The following SEM1 variants were observed in gnomAD, a reference collection of about 807,000 sequenced individuals.
SEM1 encodes SEM1 26S proteasome subunit.
Under a neutral mutation model 12.7 loss-of-function variants are expected in SEM1, and 3 were observed. The ratio of observed to expected loss-of-function variants is 0.24; its 90% CI spans 0.11 to 0.61. The LOEUF (loss-of-function observed/expected upper bound fraction) is 0.61, where lower values mean the gene tolerates loss of function less well. Among genes scored for constraint, SEM1 ranks in the 20% least tolerant of loss-of-function variants. SEM1 has a pLI of 0.88. For synonymous variants in SEM1, 30 were observed against 27.8 expected (o/e 1.08, Z -0.25); for missense variants, 59 against 81.3 (o/e 0.73, Z 1.06).
intron 2 of SEM1, among the ~76,000 whole-genome samples, chr7:96,564,054 T>C (rs999184217): frequency 6.6e-6 from 1 of 152,116 alleles, no homozygotes; most frequent in Non-Finnish European, 1.5e-5. Context: ...AAAATAGACA[T>C]TATTTAAAAT....
At chr7:96,584,534 G>A (rs1052280506) in intron 2 of SEM1, among the ~76,000 whole-genome samples, 3 of 152,082 alleles carry the variant, frequency 2.0e-5, no homozygotes, top group South Asian at 2.1e-4. Flanking sequence ...GATTGGGGAA[G>A]TTCTCCTGGA....
intron 2 of SEM1, among the ~76,000 whole-genome samples, chr7:96,581,757 A>G (rs922652179): frequency 1.3e-5 from 2 of 151,642 alleles, no homozygotes; most frequent in African/African-American, 4.8e-5. Flanking sequence ...TTCACTCATG[A>G]TTTGGCTCTC....
intron 1 of SEM1, among the ~76,000 whole-genome samples, chr7:96,705,403 A>G (rs1017661646): frequency 1.3e-5 from 2 of 152,078 alleles, no homozygotes; most frequent in Non-Finnish European, 2.9e-5. Context: ...CAGGAAGAGA[A>G]TAAAAGAATC....
At chr7:96,588,379 CACACACACACACACACACGAGA>C (rs1806717464) in intron 2 of SEM1, among the ~76,000 whole-genome samples, 1 of 126,928 alleles carries the variant, frequency 7.9e-6, no homozygotes, top group African/African-American at 3.0e-5. Flanking sequence ...CACACACACA[CACACACACACACACACACGAGA>C]GAGAGAGAGA....
At chr7:96,662,124 AG>A (rs1454847873) in intron 2 of SEM1, among the ~76,000 whole-genome samples, 3 of 152,290 alleles carry the variant, frequency 2.0e-5, no homozygotes, top group East Asian at 3.9e-4. Context: ...CGATTCCTCA[AG>A]GATCTAGAAC....
Position 96,484,878 on chromosome 7 carries a change from T to G in SEM1, c.228-24A>C, listed in dbSNP as rs924194489. 3.3e-5 allele frequency: 42 copies of G among 1,284,730 alleles called. No individual in the cohort carries two copies. The Middle Eastern group carries it at 7.2e-4, about 22-fold the overall frequency. The allele number at this position is 1,284,730 out of a possible 1,614,324, so 79.6% of individuals were successfully genotyped here. On this transcript the variant is annotated intron_variant, in intron 2 of 3. Transcript: ENST00000356686. ...AGCTGTAAATATTAGATTTCATGAT[T>G]CAAGTCTCTGGAATCCAACTTTCTA...
In SEM1 at chr7:96,622,710, G is replaced by T; in HGVS notation, c.171-67C>A. 4.1e-6 allele frequency: 3 copies of T among 736,838 alleles called. No individual in the cohort carries two copies. In the South Asian group the frequency reaches 4.3e-5, roughly 10 times the overall value. 45.6% of individuals were successfully genotyped at this position (736,838 alleles called of 1,614,324 possible). A position where few individuals can be genotyped will look rare whatever the true frequency, so the allele number is the denominator to read the frequency against. On this transcript the variant is annotated intron_variant, in intron 2 of 2. Transcript: ENST00000417009. ...CACCTATTAGCCTCAAATTCTGTTT[G>T]ACCATCTGATCAGTGGAAAAGCCAT...
chr7:96,537,674 A>G (rs1804827922), intron 2 of SEM1, among the ~76,000 whole-genome samples: 1 of 151,542 alleles, frequency 6.6e-6, no homozygotes, highest in Non-Finnish European at 1.5e-5. Context: ...GGCTTCTTTC[A>G]AGATTTTTTC....
intron 1 of SEM1, among the ~76,000 whole-genome samples, chr7:96,707,377 T>C (rs887701339): frequency 6.6e-6 from 1 of 152,254 alleles, no homozygotes; most frequent in Admixed American, 6.5e-5. Flanking sequence ...GGTTTCACCT[T>C]GTGGGATGAT....
chr7:96,555,940 T>A (rs1383319352), intron 2 of SEM1, among the ~76,000 whole-genome samples: 1 of 145,036 alleles, frequency 6.9e-6, no homozygotes, highest in Non-Finnish European at 1.5e-5. Context: ...TTTACCATTA[T>A]GTAATGGCCT....
intron 2 of SEM1, among the ~76,000 whole-genome samples, chr7:96,675,286 A>G (rs1357134820): frequency 2.0e-5 from 3 of 152,206 alleles, no homozygotes; most frequent in Non-Finnish European, 4.4e-5. Flanking sequence ...TTGCATCTTG[A>G]GTATTTCACT....
chr7:96,626,281 T>C (rs1808060692), intron 2 of SEM1, among the ~76,000 whole-genome samples: 1 of 152,118 alleles, frequency 6.6e-6, no homozygotes, highest in Non-Finnish European at 1.5e-5. Flanking sequence ...AAAAGTTTGT[T>C]TTTTTGTGCT....
At chr7:96,622,688 C>T (rs368343555) in intron 2 of SEM1, 11 of 754,422 alleles carry the variant, frequency 1.5e-5, no homozygotes, top group Non-Finnish European at 2.7e-5. Flanking sequence ...TTTCAAACAC[C>T]TATTAGCCTC....
chr7:96,585,980 T>G (rs917681455), intron 2 of SEM1, among the ~76,000 whole-genome samples: 3 of 152,124 alleles, frequency 2.0e-5, no homozygotes, highest in East Asian at 3.9e-4. Flanking sequence ...ATTACTCACC[T>G]TTCAATTTTT....
At chr7:96,553,371 A>G (rs1299323811) in intron 2 of SEM1, among the ~76,000 whole-genome samples, 5 of 150,558 alleles carry the variant, frequency 3.3e-5, no homozygotes, top group Non-Finnish European at 5.9e-5. Flanking sequence ...TGATTTTTGT[A>G]TAAGGTGTAA....
intron 3 of SEM1, chr7:96,484,702 G>A (rs374306312): frequency 4.6e-6 from 2 of 430,640 alleles, no homozygotes; most frequent in South Asian, 4.0e-5. Context: ...ACCAAAAAGC[G>A]CCTCCCAAAT....
chr7:96,596,230 CAAAT>C (rs1584794680), intron 2 of SEM1, among the ~76,000 whole-genome samples: 1 of 152,280 alleles, frequency 6.6e-6, no homozygotes, highest in Admixed American at 6.5e-5. Flanking sequence ...TAGCTCAACA[CAAAT>C]AAACCACTTG....
At chr7:96,639,920 T>C (rs1217871451) in intron 2 of SEM1, among the ~76,000 whole-genome samples, 1 of 151,906 alleles carries the variant, frequency 6.6e-6, no homozygotes, top group African/African-American at 2.4e-5. Context: ...TCAACAGACA[T>C]CTCACTAAAG....
intron 2 of SEM1, among the ~76,000 whole-genome samples, chr7:96,533,112 A>G (rs1804687600): frequency 6.6e-6 from 1 of 152,086 alleles, no homozygotes; most frequent in South Asian, 2.1e-4. Context: ...GCACAAAACA[A>G]GCTGAACCCC....
Sources: gnomAD v4.1 joint callset for allele counts (sites outside exome capture counted in the v4.1 genomes callset) on GRCh38, gnomAD v4.1.1 for gene constraint, MANE v1.5 for transcripts, NCBI Gene and HGNC (gene_info 2026-07-23, HGNC 2026-07-21) for gene names.